The following MBD5 variants were observed in gnomAD, a reference collection of about 807,000 sequenced individuals.
The protein encoded by MBD5 is methyl-CpG-binding domain protein 5.
A neutral mutation model predicts 117.3 loss-of-function variants in MBD5; 13 were observed. The observed-to-expected ratio is 0.11, with a 90% confidence interval of 0.07 to 0.18. MBD5 has a LOEUF of 0.18. MBD5 is among the 10% of genes least tolerant of loss of function. The pLI, the probability that MBD5 is intolerant of heterozygous loss-of-function variation, is 1.00. For synonymous variants in MBD5, 727 were observed against 766.4 expected (o/e 0.95, Z 0.85); for missense variants, 1,879 against 2,093.8 (o/e 0.90, Z 2.00).
intron 1 of MBD5, among the ~76,000 whole-genome samples, chr2:148,033,039 G>C (rs1331386608): frequency 6.6e-6 from 1 of 152,080 alleles, no homozygotes; most frequent in Non-Finnish European, 1.5e-5. Flanking sequence ...AACAAATGAT[G>C]GTGAGGGACA....
chr2:148,134,054 A>C (rs1697114305), intron 1 of MBD5, among the ~76,000 whole-genome samples: 1 of 152,126 alleles, frequency 6.6e-6, no homozygotes. Flanking sequence ...CCTAAAAGAA[A>C]ATATTTATCC....
At chr2:148,225,916 G>A (rs1699805782) in intron 2 of MBD5, among the ~76,000 whole-genome samples, 1 of 152,048 alleles carries the variant, frequency 6.6e-6, no homozygotes, top group Non-Finnish European at 1.5e-5. Flanking sequence ...ATTATTAAAT[G>A]CCTTAGGGTA....
chr2:148,394,845 A>G (rs1704665252), intron 4 of MBD5, among the ~76,000 whole-genome samples: 1 of 152,076 alleles, frequency 6.6e-6, no homozygotes, highest in Non-Finnish European at 1.5e-5. Context: ...TGATGAATAT[A>G]TTATTGATAT....
At chr2:148,277,764 A>G (rs1361532302) in intron 3 of MBD5, among the ~76,000 whole-genome samples, 1 of 151,746 alleles carries the variant, frequency 6.6e-6, no homozygotes, top group Non-Finnish European at 1.5e-5. Context: ...ATTTACTCTT[A>G]TTTCTTTTCT....
intron 11 of MBD5, among the ~76,000 whole-genome samples, chr2:148,498,455 A>G (rs1276350005): frequency 6.6e-6 from 1 of 152,114 alleles, no homozygotes; most frequent in Non-Finnish European, 1.5e-5. Flanking sequence ...CTCCTGCCTC[A>G]GCCTCCTGAG....
intron 5 of MBD5, among the ~76,000 whole-genome samples, chr2:148,459,236 G>A (rs946032697): frequency 6.6e-6 from 1 of 151,910 alleles, no homozygotes; most frequent in Non-Finnish European, 1.5e-5. Flanking sequence ...TGGCTTTTTT[G>A]ATAAAATTGA....
rs907498510 is a variant in MBD5 at position 148,368,470 on chromosome 2, TA to T, written c.-557+26142del. Reference sequence around the variant, plus strand: ...GCACATGTATCCCAACTTAAAGTATTAAAAAAAATAAAAACTTTTTTAAAAT... The same window carrying T: ...GCACATGTATCCCAACTTAAAGTATTAAAAAAATAAAAACTTTTTTAAAAT... On this transcript the variant is annotated intron_variant, in intron 4 of 13. Coordinates refer to ENST00000642680, the MANE Select transcript of MBD5 (RefSeq NM_001378120.1). 2.6e-5 allele frequency among the ~76,000 whole-genome samples: 4 copies of T among 151,694 alleles called. No individual in the cohort carries two copies. In the East Asian group the frequency reaches 5.8e-4, roughly 22 times the overall value.
intron 4 of MBD5, among the ~76,000 whole-genome samples, chr2:148,425,104 T>C (rs1028350635): frequency 2.0e-5 from 3 of 152,120 alleles, no homozygotes; most frequent in Non-Finnish European, 2.9e-5. Flanking sequence ...AGCTGGTTTT[T>C]TGAAAAGATC....
At chr2:148,163,755 G>T (rs754016329) in intron 1 of MBD5, among the ~76,000 whole-genome samples, 1 of 151,972 alleles carries the variant, frequency 6.6e-6, no homozygotes, top group South Asian at 2.1e-4. Context: ...TTAGAATAGC[G>T]CTTGGTATGT....
intron 1 of MBD5, among the ~76,000 whole-genome samples, chr2:148,133,067 G>T (rs899517872): frequency 6.6e-6 from 1 of 152,026 alleles, no homozygotes; most frequent in Non-Finnish European, 1.5e-5. Context: ...GAAAAGTGGG[G>T]ATATTGATAG....
chr2:148,279,253 G>T (rs1701183293), intron 3 of MBD5, among the ~76,000 whole-genome samples: 1 of 152,122 alleles, frequency 6.6e-6, no homozygotes, highest in African/African-American at 2.4e-5. Context: ...AACATAGTGA[G>T]ATCCCATTTC....
chr2:148,497,250 AG>A (rs1454471569), intron 11 of MBD5, among the ~76,000 whole-genome samples: 2 of 152,104 alleles, frequency 1.3e-5, no homozygotes, highest in African/African-American at 2.4e-5. Context: ...AATATTTATT[AG>A]GCACAAATGT....
intron 7 of MBD5, among the ~76,000 whole-genome samples, chr2:148,465,105 G>A (rs751707314): frequency 6.6e-6 from 1 of 152,070 alleles, no homozygotes; most frequent in Admixed American, 6.6e-5. Context: ...AATTTTTGAA[G>A]AGTCTAGGCC....
At chr2:148,206,626 CCT>C (rs1699289578) in intron 2 of MBD5, among the ~76,000 whole-genome samples, 1 of 152,164 alleles carries the variant, frequency 6.6e-6, no homozygotes, top group African/African-American at 2.4e-5. Context: ...GCCTTCCCAA[CCT>C]CTCACTTTTT....
chr2:148,461,927 A>C (rs560772099), intron 5 of MBD5, among the ~76,000 whole-genome samples: 4 of 152,118 alleles, frequency 2.6e-5, no homozygotes. Flanking sequence ...ATTTCCTCAT[A>C]AGTTTCCTTT....
intron 3 of MBD5, among the ~76,000 whole-genome samples, chr2:148,270,289 G>A (rs1207886178): frequency 2.6e-5 from 4 of 151,966 alleles, no homozygotes; most frequent in African/African-American, 9.7e-5. Context: ...AATATCAAAG[G>A]TGATTTTTCT....
At chr2:148,401,228 C>T (rs534230621) in intron 4 of MBD5, among the ~76,000 whole-genome samples, 2 of 152,188 alleles carry the variant, frequency 1.3e-5, no homozygotes, top group South Asian at 2.1e-4. Flanking sequence ...CTTTCACTGC[C>T]TTCCTTTCTA....
At chr2:148,260,031 A>G (rs1700695893) in intron 3 of MBD5, among the ~76,000 whole-genome samples, 1 of 152,194 alleles carries the variant, frequency 6.6e-6, no homozygotes, top group Non-Finnish European at 1.5e-5. Flanking sequence ...GGTCAGGGTA[A>G]TGATTGCTGA....
At chr2:148,048,582 T>C (rs1342176417) in intron 1 of MBD5, among the ~76,000 whole-genome samples, 1 of 152,110 alleles carries the variant, frequency 6.6e-6, no homozygotes, top group East Asian at 1.9e-4. Context: ...ACCTGAAGAA[T>C]GAAGAGCAGT....
Sources: gnomAD v4.1 joint callset for allele counts (sites outside exome capture counted in the v4.1 genomes callset) on GRCh38, gnomAD v4.1.1 for gene constraint, MANE v1.5 for transcripts, NCBI Gene and HGNC (gene_info 2026-07-23, HGNC 2026-07-21) for gene names.